SLC30A6: variants seen among roughly 807,000 people sequenced by gnomAD.
The protein encoded by SLC30A6 is solute carrier family 30 member 6, also known as zinc transporter 6.
A neutral mutation model predicts 63.0 loss-of-function variants in SLC30A6; 55 were observed. The observed-to-expected ratio is 0.87, with a 90% CI of 0.70 to 1.09. The LOEUF is 1.09. Among genes scored for constraint, SLC30A6 ranks in the 50% least tolerant of loss-of-function variants. The pLI is 0.00. For synonymous variants in SLC30A6, 224 were observed against 186.1 expected (o/e 1.20, Z -1.66); for missense variants, 587 against 549.2 (o/e 1.07, Z -0.69).
chr2:32,197,896 A>G, intron 10 of SLC30A6, 70 bp downstream of exon 10: 1 of 1,577,604 alleles, frequency 6.3e-7, no homozygotes, highest in Non-Finnish European at 8.6e-7. Context: ...CATCAGCAGG[A>G]TGGATAGTGG....
chr2:32,168,218 A>G (rs534273680), intron 1 of SLC30A6, among the ~76,000 whole-genome samples: 32 of 152,090 alleles, frequency 2.1e-4, no homozygotes, highest in African/African-American at 7.5e-4. Context: ...ATAAAGAAAA[A>G]TACAAATAAA....
At chr2:32,191,906 G>C (rs980451410) in intron 5 of SLC30A6, among the ~76,000 whole-genome samples, 1 of 152,098 alleles carries the variant, frequency 6.6e-6, no homozygotes, top group Non-Finnish European at 1.5e-5. Context: ...CTAATAAGGG[G>C]TTGGGAGGTT....
intron 11 of SLC30A6, among the ~76,000 whole-genome samples, chr2:32,206,653 T>A (rs1459390448): frequency 6.6e-6 from 1 of 152,180 alleles, no homozygotes; most frequent in Admixed American, 6.5e-5. Context: ...GTTGGTTGTT[T>A]AAGTGTTATT....
At chr2:32,208,364 C>G (rs983973149) in intron 12 of SLC30A6, among the ~76,000 whole-genome samples, 1 of 152,036 alleles carries the variant, frequency 6.6e-6, no homozygotes, top group Non-Finnish European at 1.5e-5. Flanking sequence ...CTCCTGACCT[C>G]AAATGATCCG....
chr2:32,215,791 ACCCTCTAG>A (rs1158581067), intron 13 of SLC30A6, among the ~76,000 whole-genome samples: 4 of 151,780 alleles, frequency 2.6e-5, no homozygotes, highest in Admixed American at 2.0e-4. Flanking sequence ...TGCAGCCTCA[ACCCTCTAG>A]GCTCAAGCAG....
chr2:32,174,333 A>AT (rs370851487), intron 3 of SLC30A6, among the ~76,000 whole-genome samples, 186 bp downstream of exon 3: 7 of 151,430 alleles, frequency 4.6e-5, no homozygotes, highest in African/African-American at 7.3e-5. Context: ...TAGGATTGTA[A>AT]TTTTTTTTTA....
Position 32,197,717 on chromosome 2 carries a change from A to G in SLC30A6, c.556A>G (p.Ile186Val). Residue 186 changes from isoleucine (I) to valine (V), a missense_variant, in exon 10 of 14, where the codon ATT (isoleucine) becomes GTT (valine). By Grantham distance (29) the Ile-to-Val change is conservative (BLOSUM62 3). Transcript: ENST00000282587. ...TTTGTTTTTTCTTAGCTTGTGTGGA[A>G]TTATTCCGGGACTTAGCAGTATCTT... ...VADLSRSLCG[I>V]IPGLSSIFLP... 1 of 1,614,090 alleles carries G rather than the reference A, an allele frequency of 6.2e-7. No individual in the cohort carries two copies. Among genetic ancestry groups the G allele is most frequent in the Non-Finnish European group, 8.5e-7 (1 of 1,179,994 alleles).
At chr2:32,201,417 C>T (rs968900370) in intron 10 of SLC30A6, among the ~76,000 whole-genome samples, 5 of 152,148 alleles carry the variant, frequency 3.3e-5, no homozygotes, top group African/African-American at 9.7e-5. Flanking sequence ...AAATAATTAT[C>T]GCTCACTGGA....
chr2:32,217,721 A>T (rs1251287320), intron 13 of SLC30A6, among the ~76,000 whole-genome samples: 1 of 152,056 alleles, frequency 6.6e-6, no homozygotes, highest in Non-Finnish European at 1.5e-5. Context: ...ATTTGTTTGT[A>T]TCATCTGTGA....
intron 10 of SLC30A6, among the ~76,000 whole-genome samples, chr2:32,201,178 C>A (rs986624177): frequency 6.6e-6 from 1 of 152,186 alleles, no homozygotes; most frequent in African/African-American, 2.4e-5. Flanking sequence ...ATGTGTATCT[C>A]CTGTTATTTC....
intron 11 of SLC30A6, 144 bp downstream of exon 11, chr2:32,204,836 C>A (rs1373223612): frequency 1.3e-5 from 3 of 228,052 alleles, no homozygotes; most frequent in Non-Finnish European, 2.2e-5. Flanking sequence ...TTTTTAGAGA[C>A]AGGTCCTTGC....
At chr2:32,189,905 T>G (rs62134021) in intron 5 of SLC30A6, among the ~76,000 whole-genome samples, 1 of 151,768 alleles carries the variant, frequency 6.6e-6, no homozygotes, top group East Asian at 1.9e-4. Flanking sequence ...CCAGCTGTTA[T>G]TGTCTTTTTT....
chr2:32,216,923 C>T (rs1167033312), intron 13 of SLC30A6, among the ~76,000 whole-genome samples: 2 of 151,930 alleles, frequency 1.3e-5, no homozygotes, highest in Non-Finnish European at 2.9e-5. Context: ...AAGTCTAGCT[C>T]TGTCACCCAG....
At chr2:32,186,505 G>A (rs1324154026) in intron 5 of SLC30A6, among the ~76,000 whole-genome samples, 4 of 152,178 alleles carry the variant, frequency 2.6e-5, no homozygotes, top group Admixed American at 2.6e-4. Context: ...GGCCAACATG[G>A]CAAAACCCCA....
chr2:32,203,917 C>T (rs537706554), intron 10 of SLC30A6: 53 of 856,236 alleles, frequency 6.2e-5, no homozygotes, highest in Admixed American at 3.6e-5. Context: ...ACAAGGGAGT[C>T]GCTCAGGAAG....
chr2:32,182,720 G>A (rs1573286296), intron 4 of SLC30A6, among the ~76,000 whole-genome samples: 1 of 152,138 alleles, frequency 6.6e-6, no homozygotes, highest in Admixed American at 6.6e-5. Context: ...ATTTTCAAAT[G>A]TGCATTTCCA....
rs1686148774 is a variant in SLC30A6 at position 32,221,580 on chromosome 2, A to T, written c.*867A>T. 6.6e-6 allele frequency: 1 copy of T among 152,188 alleles called. No homozygotes were observed. The highest frequency in any genetic ancestry group is 6.5e-5 in the Admixed American group (1 of 15,274). The allele number at this position is 152,188 out of a possible 1,614,324, so 9.4% of individuals were successfully genotyped here. ...TAGCTTTTCCAAACTTAATTGCTAA[A>T]TTTTTCTTTGAGGTTCTCCTGAATT... On this transcript the variant is annotated 3_prime_UTR_variant, in exon 14 of 14. Transcript: ENST00000282587.
intron 13 of SLC30A6, among the ~76,000 whole-genome samples, chr2:32,216,425 A>C (rs1315450627): frequency 6.6e-6 from 1 of 152,022 alleles, no homozygotes; most frequent in East Asian, 1.9e-4. Flanking sequence ...AATCCCAGCT[A>C]CTTGGGAGGC....
In SLC30A6 at chr2:32,199,461, G is replaced by T. The variant is rs563975901; in HGVS notation, c.665+1635G>T. Among the ~76,000 whole-genome samples the T allele has an allele frequency of 3.3e-5, 5 of 151,870 alleles. No individual in the cohort carries two copies. In the South Asian group the frequency reaches 1.0e-3, roughly 32 times the overall value. ...CATAGTAGGTATATATATTTATGGGGTACATGAGATATTTTGATACAGGCA... is the reference window on the plus strand; with the variant it reads ...CATAGTAGGTATATATATTTATGGGTTACATGAGATATTTTGATACAGGCA... On this transcript the variant is annotated intron_variant, in intron 10 of 13. Transcript: ENST00000282587.
Sources: gnomAD v4.1 joint callset for allele counts (sites outside exome capture counted in the v4.1 genomes callset) on GRCh38, gnomAD v4.1.1 for gene constraint, MANE v1.5 for transcripts, NCBI Gene and HGNC (gene_info 2026-07-23, HGNC 2026-07-21) for gene names.